SPATA18: variants seen among roughly 807,000 people sequenced by gnomAD.
The protein encoded by SPATA18 is mitochondria-eating protein.
A neutral mutation model predicts 68.1 loss-of-function variants in SPATA18; 54 were observed. That is an observed-to-expected ratio of 0.79 (90% confidence interval 0.64 to 0.99). The LOEUF (loss-of-function observed/expected upper bound fraction) is 0.99, where lower values mean the gene tolerates loss of function less well. Among genes scored for constraint, SPATA18 ranks in the 50% least tolerant of loss-of-function variants. The pLI is 0.00. For synonymous variants in SPATA18, 242 were observed against 244.8 expected (o/e 0.99, Z 0.11); for missense variants, 724 against 681.1 (o/e 1.06, Z -0.70).
rs775096509 is a variant in SPATA18, at chr4:52,076,918, G to A, written c.898G>A (p.Ala300Thr). ...CAAGCTGTCCAATGTGGCGCGCAAG[G>A]CTGCCCTCTTGTCCCGGTTCAGCGA... ...RSKLSNVARK[A>T]ALLSRFSDSY... Residue 300 changes from alanine to threonine, a missense_variant, in exon 7 of 13, where the codon GCT becomes ACT. Coordinates refer to ENST00000295213, the MANE Select transcript of SPATA18 (RefSeq NM_145263.4). 4 of 1,614,062 alleles carry A rather than the reference G, an allele frequency of 2.5e-6. No individual in the cohort carries two copies. Among genetic ancestry groups the A allele is most frequent in the East Asian group, 4.5e-5 (2 of 44,870 alleles).
rs1016293871 is a variant in SPATA18 at position 52,051,783 on chromosome 4, G to C, written c.79G>C (p.Glu27Gln). 1.2e-6 allele frequency: 2 copies of C among 1,614,056 alleles called. No individual in the cohort carries two copies. The highest frequency in any genetic ancestry group is 1.3e-5 in the African/African-American group (1 of 74,930). The stretch of plus-strand genomic sequence containing the variant: ...GGAAAAGCTAGACTTCTGGCTGAAG[G>C]AGTACAACGTGAGTCTGGGTGAAAA... Reference protein sequence around the residue: ...LQEKLDFWLKEYNTNTCDQNL... With the variant: ...LQEKLDFWLKQYNTNTCDQNL... Residue 27 changes from glutamate (E) to glutamine (Q), a missense_variant, in exon 1 of 13, where the codon GAG becomes CAG. Physicochemically the swap from Glu to Gln is conservative, Grantham distance 29. Coordinates refer to ENST00000295213, the MANE Select transcript of SPATA18 (RefSeq NM_145263.4).
chr4:52,092,029 T>A (rs1187608167), intron 11 of SPATA18, among the ~76,000 whole-genome samples: 8 of 152,158 alleles, frequency 5.3e-5, no homozygotes, highest in Admixed American at 5.2e-4. Flanking sequence ...TACTCAAGCC[T>A]CAGCAATGGT....
At chr4:52,060,706 G>A (rs1052010533) in intron 2 of SPATA18, 76 bp from the exon 3 acceptor site, 64 of 1,260,686 alleles carry the variant, frequency 5.1e-5, no homozygotes, top group Admixed American at 1.2e-4. Context: ...TGTACACAAC[G>A]TGCAGGTTAG....
intron 1 of SPATA18, among the ~76,000 whole-genome samples, chr4:52,058,596 A>C (rs1738555037): frequency 6.6e-6 from 1 of 152,206 alleles, no homozygotes; most frequent in African/African-American, 2.4e-5. Flanking sequence ...ACTGCCTGGT[A>C]AGCTCTTTCC....
intron 7 of SPATA18, 145 bp from the exon 8 acceptor site, chr4:52,078,590 C>A: frequency 1.6e-6 from 1 of 610,024 alleles, no homozygotes; most frequent in Non-Finnish European, 2.7e-6. Context: ...TATTTTCTTC[C>A]AGACTAAAAA....
intron 9 of SPATA18, among the ~76,000 whole-genome samples, chr4:52,080,435 T>A (rs1311686724): frequency 5.9e-5 from 9 of 152,226 alleles, no homozygotes; most frequent in African/African-American, 1.9e-4. Flanking sequence ...CTCTTTTGTC[T>A]AGGACCAATA....
intron 9 of SPATA18, among the ~76,000 whole-genome samples, chr4:52,082,174 T>C (rs964414374): frequency 1.0e-4 from 5 of 48,124 alleles, no homozygotes; most frequent in African/African-American, 2.0e-4. Flanking sequence ...TACAATTAGT[T>C]TGACACGATT....
chr4:52,062,111 G>A, intron 3 of SPATA18, 109 bp from the exon 4 acceptor site: 1 of 652,568 alleles, frequency 1.5e-6, no homozygotes, highest in Non-Finnish European at 2.7e-6. Context: ...TGTGCATGGA[G>A]CCGTGCATAA....
chr4:52,082,884 A>G, intron 10 of SPATA18: 1 of 985,306 alleles, frequency 1.0e-6, no homozygotes. Context: ...GATTTGCCAA[A>G]TTTTTACTGA....
intron 1 of SPATA18, among the ~76,000 whole-genome samples, chr4:52,053,560 T>C (rs538332183): frequency 6.6e-6 from 1 of 152,186 alleles, no homozygotes; most frequent in Non-Finnish European, 1.5e-5. Context: ...CAACTGCCCA[T>C]TGGACATCTT....
rs553338511 is a variant in SPATA18, at chr4:52,095,838, T to G, written c.*951T>G. On this transcript the variant is annotated 3_prime_UTR_variant, in exon 13 of 13. Transcript: ENST00000295213. Reference sequence around the variant, plus strand: ...ATTTACTGATTTTAAATTGAGTATATATCCCTTGACTTCTTCACTGTCAAA... The same window carrying G: ...ATTTACTGATTTTAAATTGAGTATAGATCCCTTGACTTCTTCACTGTCAAA... 2.0e-5 allele frequency: 3 copies of G among 152,312 alleles called. No individual in the cohort carries two copies. In the South Asian group the frequency reaches 6.2e-4, roughly 32 times the overall value. The allele number at this position is 152,312 out of a possible 1,614,324, so 9.4% of individuals were successfully genotyped here.
At chr4:52,060,333 C>A in intron 1 of SPATA18, 86 bp from the exon 2 acceptor site, 1 of 1,031,836 alleles carries the variant, frequency 9.7e-7, no homozygotes, top group Non-Finnish European at 1.5e-6. Context: ...CCAGGCAGCT[C>A]GTGGGTCAAG....
chr4:52,078,392 G>A (rs980846809), intron 7 of SPATA18: 10 of 173,054 alleles, frequency 5.8e-5, no homozygotes, highest in Non-Finnish European at 1.1e-4. Flanking sequence ...ACACTAGACT[G>A]ATAATGTTCT....
chr4:52,091,851 A>T (rs1741990338), intron 11 of SPATA18, among the ~76,000 whole-genome samples: 1 of 152,136 alleles, frequency 6.6e-6, no homozygotes, highest in Non-Finnish European at 1.5e-5. Flanking sequence ...GGGACGTTTA[A>T]GTCTGCTATA....
intron 6 of SPATA18, among the ~76,000 whole-genome samples, chr4:52,075,726 TGCCTCTCTTTGGGCCGGCATCAGCG>T (rs1269698579): frequency 6.6e-6 from 1 of 152,210 alleles, no homozygotes; most frequent in East Asian, 1.9e-4. Context: ...CATCTGCCCC[TGCCTCTCTTTGGGCCGGCATCAGCG>T]GCCCGGTATT....
At position 52,056,498 on chromosome 4, in the gene SPATA18, GATCAGTA is replaced by G. The variant is rs559987906; in HGVS notation, c.88-3918_88-3912del. 1.1e-4 allele frequency among the ~76,000 whole-genome samples: 17 copies of G among 152,312 alleles called. No homozygotes were observed. In the East Asian group the frequency reaches 3.3e-3, roughly 29 times the overall value. On this transcript the variant is annotated intron_variant, in intron 1 of 12. Transcript: ENST00000295213. Reference sequence around the variant, plus strand: ...AGGGCCTGGCTGGCATATAGTAGGTGATCAGTAATTATTAGGTACCACTACTGGACAT... The same window carrying G: ...AGGGCCTGGCTGGCATATAGTAGGTGATTATTAGGTACCACTACTGGACAT...
In SPATA18 at chr4:52,082,461, A is replaced by C. The variant is rs1192632965; in HGVS notation, c.1430A>C (p.Asn477Thr). Residue 477 changes from asparagine to threonine, a missense_variant, in exon 10 of 13, where the codon AAT becomes ACT. Physicochemically the swap from Asn to Thr is moderately conservative, Grantham distance 65. Transcript: ENST00000295213. The part of the protein sequence containing the change: ...LYHVWPALME[N>T]DCVIMKGEAV... ...CACGTGTGGCCTGCTCTCATGGAGA[A>C]TGACTGTGTCATTATGAAGGGAGAA... 1.2e-6 allele frequency: 2 copies of C among 1,614,136 alleles called. No individual in the cohort carries two copies. The highest frequency in any genetic ancestry group is 1.7e-6 in the Non-Finnish European group (2 of 1,180,012).
chr4:52,091,480 A>G (rs1447110922), intron 11 of SPATA18, among the ~76,000 whole-genome samples: 1 of 151,646 alleles, frequency 6.6e-6, no homozygotes, highest in Non-Finnish European at 1.5e-5. Context: ...CTTTGAGTGG[A>G]CATGCTAATC....
chr4:52,051,883 C>T, intron 1 of SPATA18, 92 bp downstream of exon 1: 1 of 1,224,428 alleles, frequency 8.2e-7, no homozygotes, highest in African/African-American at 1.7e-5. Flanking sequence ...AGTTGGTGGC[C>T]ACTTTGCAAA....
Sources: gnomAD v4.1 joint callset for allele counts (sites outside exome capture counted in the v4.1 genomes callset) on GRCh38, gnomAD v4.1.1 for gene constraint, MANE v1.5 for transcripts, NCBI Gene and HGNC (gene_info 2026-07-23, HGNC 2026-07-21) for gene names.